The following SRPK1 variants were observed in gnomAD, a reference collection of about 807,000 sequenced individuals.
SRPK1 encodes the protein SRSF protein kinase 1, also known as SFRS protein kinase 1.
Under a neutral mutation model 89.5 loss-of-function variants are expected in SRPK1, and 52 were observed. The ratio of observed to expected loss-of-function variants is 0.58; its 90% CI spans 0.46 to 0.73. The LOEUF (loss-of-function observed/expected upper bound fraction) is 0.73, where lower values mean the gene tolerates loss of function less well. SRPK1 is among the 30% of genes least tolerant of loss of function. SRPK1 has a pLI of 0.00. For missense variants in SRPK1, 603 were observed against 780.6 expected, an observed-to-expected ratio of 0.77 and a Z score of 2.71; for synonymous variants, 255 against 270.2, an observed-to-expected ratio of 0.94 and a Z score of 0.55.
At chr6:35,841,688 T>G (rs977164989) in intron 14 of SRPK1, among the ~76,000 whole-genome samples, 1 of 151,760 alleles carries the variant, frequency 6.6e-6, no homozygotes, top group Non-Finnish European at 1.5e-5. Context: ...AAAAATTAGC[T>G]GGGCATGGTG....
At chr6:35,878,808 C>T (rs1332821037) in intron 6 of SRPK1, among the ~76,000 whole-genome samples, 1 of 152,144 alleles carries the variant, frequency 6.6e-6, no homozygotes, top group East Asian at 1.9e-4. Context: ...AGGACATTTA[C>T]GGCCAGGCAC....
At chr6:35,842,216 G>A (rs1769325383) in intron 14 of SRPK1, among the ~76,000 whole-genome samples, 2 of 152,238 alleles carry the variant, frequency 1.3e-5, no homozygotes, top group African/African-American at 2.4e-5. Context: ...ACAGGTTGAT[G>A]AGCAGGTAAA....
chr6:35,915,230 C>A (rs36113936), intron 2 of SRPK1, among the ~76,000 whole-genome samples: 1 of 151,960 alleles, frequency 6.6e-6, no homozygotes, highest in Admixed American at 6.6e-5. Context: ...AGTTAAACCT[C>A]GTCTCTACTA....
intron 14 of SRPK1, among the ~76,000 whole-genome samples, chr6:35,839,079 T>A (rs907067670): frequency 2.0e-5 from 3 of 152,252 alleles, no homozygotes; most frequent in Admixed American, 6.5e-5. Context: ...GATAAAAAAC[T>A]GTCCAAATAT....
rs1280518279 is a variant in SRPK1, at chr6:35,834,683, A to G, written c.*621T>C. On this transcript the variant is annotated 3_prime_UTR_variant, in exon 16 of 16. Transcript: ENST00000373825. ...ATTCAAAGATCTTAACTATTAAAGG[A>G]TGAAAGGAATTTGACAGTGCTTTGA... The G allele has an allele frequency of 6.6e-6, 1 of 152,210 alleles. No homozygotes were observed. The highest frequency in any genetic ancestry group is 1.5e-5 in the Non-Finnish European group (1 of 68,042). The allele number at this position is 152,210 out of a possible 1,614,324, so 9.4% of individuals were successfully genotyped here.
intron 6 of SRPK1, among the ~76,000 whole-genome samples, chr6:35,885,662 G>A (rs1362483141): frequency 6.6e-6 from 1 of 152,168 alleles, no homozygotes; most frequent in South Asian, 2.1e-4. Flanking sequence ...TGTATGAAAT[G>A]TCTTTATACA....
In SRPK1 at chr6:35,869,759, C is replaced by G; in HGVS notation, c.1134G>C (p.Glu378Asp). Residue 378 changes from glutamate to aspartate, a missense_variant, in exon 11 of 16, where the codon GAG (glutamate) becomes GAC (aspartate). Transcript: ENST00000373825. Reference protein sequence around the residue: ...NSNNETLRHKEDLHNANDCDV... With the variant: ...NSNNETLRHKDDLHNANDCDV... ...CACAGTCATTAGCATTATGTAGATC[C>G]TCTTTATGTCTCAATGTTTCATTAT... 6.2e-7 allele frequency: 1 copy of G among 1,613,794 alleles called. No homozygotes were observed. Among genetic ancestry groups the G allele is most frequent in the Non-Finnish European group, 8.5e-7 (1 of 1,179,806 alleles).
At chr6:35,845,518 G>A (rs1004392606) in intron 13 of SRPK1, among the ~76,000 whole-genome samples, 3 of 152,184 alleles carry the variant, frequency 2.0e-5, no homozygotes, top group Non-Finnish European at 4.4e-5. Flanking sequence ...TTAGAAGATA[G>A]CATGAAATGC....
intron 2 of SRPK1, among the ~76,000 whole-genome samples, chr6:35,896,102 T>C (rs371505689): frequency 8.5e-4 from 129 of 152,310 alleles, no homozygotes; most frequent in African/African-American, 3.0e-3. Flanking sequence ...GGAGGTGTCA[T>C]GGGAAACACA....
At position 35,834,145 on chromosome 6, in the gene SRPK1, AT is replaced by A. The variant is rs1439827769; in HGVS notation, c.*1158del. 1 of 135,508 alleles carries A rather than the reference AT, an allele frequency of 7.4e-6. No homozygotes were observed. Among genetic ancestry groups the A allele is most frequent in the Non-Finnish European group, 1.6e-5 (1 of 60,686 alleles). The allele number at this position is 135,508 out of a possible 1,614,324, so 8.4% of individuals were successfully genotyped here. ...AGCAGAGAATGGCTAATCTTAAAAA[AT>A]AACGAACCAACCAACCAAAAAACAA... On this transcript the variant is annotated 3_prime_UTR_variant, in exon 16 of 16. Coordinates refer to ENST00000373825, the MANE Select transcript of SRPK1 (RefSeq NM_003137.5).
At position 35,870,509 on chromosome 6, in the gene SRPK1, CA is replaced by C; in HGVS notation, c.778-16del. 6.5e-7 allele frequency: 1 copy of C among 1,549,026 alleles called. No homozygotes were observed. Among genetic ancestry groups the C allele is most frequent in the Non-Finnish European group, 8.7e-7 (1 of 1,146,602 alleles). ...ATTTTGTCAGCCTGGGCGGAGATTACAAACAGATAAAGCCTTCAGGTGGCTA... is the reference window on the plus strand; with the variant it reads ...ATTTTGTCAGCCTGGGCGGAGATTACAACAGATAAAGCCTTCAGGTGGCTA... On this transcript the variant is annotated splice_polypyrimidine_tract_variant and intron_variant, in intron 9 of 15. Coordinates refer to ENST00000373825, the MANE Select transcript of SRPK1 (RefSeq NM_003137.5).
At position 35,873,167 on chromosome 6, in the gene SRPK1, C is replaced by A. The variant is rs567141593; in HGVS notation, c.586-439G>T. ...ATATAATCCAAACAAATTTTTGCAC[C>A]TTGAAGTATTAATATTTTCCTGATG... On this transcript the variant is annotated intron_variant, in intron 7 of 15. Coordinates refer to ENST00000373825, the MANE Select transcript of SRPK1 (RefSeq NM_003137.5). Among the ~76,000 whole-genome samples the A allele has an allele frequency of 2.3e-4, 35 of 152,234 alleles. 1 individual carries two copies. Among genetic ancestry groups the A allele is most frequent in the Non-Finnish European group, 4.6e-4 (31 of 68,018 alleles).
intron 15 of SRPK1, among the ~76,000 whole-genome samples, chr6:35,837,226 C>T (rs1200308216): frequency 6.6e-6 from 1 of 152,004 alleles, no homozygotes; most frequent in African/African-American, 2.4e-5. Context: ...GTTTGTATGA[C>T]TAATGTACTT....
At chr6:35,842,642 G>A in intron 13 of SRPK1, 38 bp from the exon 14 acceptor site, 14 of 1,497,908 alleles carry the variant, frequency 9.3e-6, no homozygotes, top group Admixed American at 4.3e-5. Flanking sequence ...AAGCACAAAA[G>A]AAAAGAAGGC....
intron 2 of SRPK1, among the ~76,000 whole-genome samples, chr6:35,898,092 A>C (rs929324381): frequency 6.6e-6 from 1 of 152,222 alleles, no homozygotes; most frequent in Non-Finnish European, 1.5e-5. Flanking sequence ...TAACAGCACA[A>C]TTCTCAATTC....
chr6:35,857,646 T>G lies in SRPK1; in HGVS notation c.1513-278A>C, dbSNP rs1208229549. On this transcript the variant is annotated intron_variant, in intron 12 of 15. Coordinates refer to ENST00000373825, the MANE Select transcript of SRPK1 (RefSeq NM_003137.5). Reference sequence around the variant, plus strand: ...AGCTTTTTTCTTTTTAAAAATTGTTTTAGTAAAGATGGGGTCTCGCTATGT... The same window carrying G: ...AGCTTTTTTCTTTTTAAAAATTGTTGTAGTAAAGATGGGGTCTCGCTATGT... Among the ~76,000 whole-genome samples the G allele has an allele frequency of 2.0e-5, 3 of 152,262 alleles. No homozygotes were observed. In the South Asian group the frequency reaches 6.2e-4, roughly 32 times the overall value.
At chr6:35,862,257 C>T (rs71569312) in intron 12 of SRPK1, among the ~76,000 whole-genome samples, 2,421 of 152,186 alleles carry the variant, frequency 0.016, 31 homozygotes, top group Middle Eastern at 0.044. Flanking sequence ...GGAATCAACG[C>T]TCTGGGGCCT....
chr6:35,915,882 G>C (rs1017524099), intron 2 of SRPK1, among the ~76,000 whole-genome samples: 1 of 150,226 alleles, frequency 6.7e-6, no homozygotes, highest in African/African-American at 2.5e-5. Flanking sequence ...TGAGGCAGGA[G>C]AATCACTTGA....
chr6:35,869,391 T>C (rs1470094282), intron 11 of SRPK1, 91 bp downstream of exon 11: 2 of 1,440,530 alleles, frequency 1.4e-6, no homozygotes, highest in East Asian at 2.3e-5. Flanking sequence ...TGTAAAGCTA[T>C]AGTTACAAAA....
Sources: gnomAD v4.1 joint callset for allele counts (sites outside exome capture counted in the v4.1 genomes callset) on GRCh38, gnomAD v4.1.1 for gene constraint, MANE v1.5 for transcripts, NCBI Gene and HGNC (gene_info 2026-07-23, HGNC 2026-07-21) for gene names.